ZNF658: variants seen among roughly 807,000 people sequenced by gnomAD.
The protein encoded by ZNF658 is zinc finger protein 658.
Under a neutral mutation model 78.0 loss-of-function variants are expected in ZNF658, and 46 were observed. The observed-to-expected ratio is 0.59, with a 90% confidence interval of 0.47 to 0.75. ZNF658 has a LOEUF of 0.75. Among genes scored for constraint, ZNF658 ranks in the 30% least tolerant of loss-of-function variants. The pLI is 0.00. For synonymous variants in ZNF658, 279 were observed against 408.4 expected (o/e 0.68, Z 3.82); for missense variants, 785 against 1,189.3 (o/e 0.66, Z 5.00).
intron 6 of ZNF658, among the ~76,000 whole-genome samples, chr9:66,929,858 G>A (rs1372905646): frequency 4.7e-5 from 6 of 126,934 alleles, no homozygotes; most frequent in Admixed American, 8.6e-5. Context: ...ATCTCGGCTC[G>A]CTGCAACCTT....
At chr9:66,923,356 G>A (rs941314198), downstream of ZNF658, among the ~76,000 whole-genome samples, 333 of 147,482 alleles carry the variant, frequency 2.3e-3, no homozygotes, top group African/African-American at 8.1e-3. Flanking sequence ...TGCCCACCCA[G>A]ATAGAGGGTG....
At chr9:66,925,602 A>C (rs1380137352), downstream of ZNF658, among the ~76,000 whole-genome samples, 1 of 152,024 alleles carries the variant, frequency 6.6e-6, no homozygotes, top group Non-Finnish European at 1.5e-5. Context: ...AATAAAAAAA[A>C]CTCCCAACAA....
At chr9:66,901,392 C>G (rs548813297) in intron 1 of ZNF658, among the ~76,000 whole-genome samples, 100 of 152,162 alleles carry the variant, frequency 6.6e-4, no homozygotes, top group Non-Finnish European at 1.0e-3. Flanking sequence ...GCCTGAAACC[C>G]AGACTTGCCA....
At chr9:66,901,032 C>G (rs1474109875) in intron 1 of ZNF658, 196 bp downstream of exon 1, 1 of 152,246 alleles carries the variant, frequency 6.6e-6, no homozygotes, top group African/African-American at 2.4e-5. Context: ...GGTTGCGGGC[C>G]GGGAAGAGGA....
Position 66,920,416 on chromosome 9 carries a change from T to A in ZNF658, c.2850T>A (p.Asn950Lys), listed in dbSNP as rs1752491892. ...CNVCGKPFAHNSTLRVHQRIH... is the reference protein window; with the variant it reads ...CNVCGKPFAHKSTLRVHQRIH... ...TATGTGGGAAGCCATTTGCCCATAA[T>A]TCAACCCTCAGAGTACATCAAAGAA... The change falls in exon 5 of 5, where the codon AAT becomes AAA. Residue 950 changes from asparagine (N) to lysine (K), a missense_variant. Around this residue, in one of 12 missense-constraint regions of ZNF658, gnomAD observed 85 missense variants for 108.6 expected, o/e 0.78. Coordinates refer to ENST00000621410, the MANE Select transcript of ZNF658 (RefSeq NM_033160.7). 6.2e-7 allele frequency: 1 copy of A among 1,609,228 alleles called. No homozygotes were observed. The highest frequency in any genetic ancestry group is 1.7e-5 in the Admixed American group (1 of 59,510).
chr9:66,929,999 G>C (rs1040248683), intron 6 of ZNF658, among the ~76,000 whole-genome samples: 6 of 123,860 alleles, frequency 4.8e-5, no homozygotes, highest in African/African-American at 1.8e-4. Flanking sequence ...GGTCAGGCTG[G>C]TCTTGAACTC....
chr9:66,930,460 G>A (rs927329486), intron 6 of ZNF658, among the ~76,000 whole-genome samples: 1 of 146,890 alleles, frequency 6.8e-6, no homozygotes, highest in African/African-American at 2.5e-5. Context: ...GGATGAGCTT[G>A]CCTTCTCAAG....
Position 66,921,073 on chromosome 9 carries a change from A to T in ZNF658, c.*327A>T. On this transcript the variant is annotated 3_prime_UTR_variant, in exon 5 of 5. Coordinates refer to ENST00000621410, the MANE Select transcript of ZNF658 (RefSeq NM_033160.7). ...AAGGTCAAGGAAGCTAGAGTCTGAAAAACGAACAATTCACTTCCAGGTCTT... is the reference window on the plus strand; with the variant it reads ...AAGGTCAAGGAAGCTAGAGTCTGAATAACGAACAATTCACTTCCAGGTCTT... 1 of 294,030 alleles carries T rather than the reference A, an allele frequency of 3.4e-6. No homozygotes were observed. The highest frequency in any genetic ancestry group is 5.3e-5 in the South Asian group (1 of 18,706). The allele number at this position is 294,030 out of a possible 1,614,324, so 18.2% of individuals were successfully genotyped here.
chr9:66,908,113 G>A, intron 2 of ZNF658, 125 bp from the exon 3 acceptor site: 2 of 1,549,124 alleles, frequency 1.3e-6, no homozygotes, highest in South Asian at 1.2e-5. Context: ...GACAATTTTG[G>A]GTCTAAAATA....
downstream of ZNF658, among the ~76,000 whole-genome samples, chr9:66,922,276 A>G (rs932608097): frequency 6.6e-5 from 10 of 151,710 alleles, no homozygotes; most frequent in East Asian, 5.9e-4. Flanking sequence ...AGGAAAGGGA[A>G]TTCCCTGGCC....
chr9:66,920,267 C>T lies in ZNF658; in HGVS notation c.2701C>T (p.Leu901Phe). The T allele has an allele frequency of 6.2e-7, 1 of 1,611,322 alleles. No homozygotes were observed. Among genetic ancestry groups the T allele is most frequent in the Non-Finnish European group, 8.5e-7 (1 of 1,178,482 alleles). The stretch of plus-strand genomic sequence containing the variant: ...CAAGACATCACATCTCAGAGCACAT[C>T]TTAGAACTCGCTCAGGGGAGAAACC... ...FSKTSHLRAH[L>F]RTRSGEKPYE... is the part of the protein sequence containing the mutation. The change falls in exon 5 of 5, where the codon CTT (leucine) becomes TTT (phenylalanine). Residue 901 changes from leucine to phenylalanine, a missense_variant. Leu to Phe is a conservative substitution (Grantham distance 22). Around this residue, in one of 12 missense-constraint regions of ZNF658, gnomAD observed 85 missense variants for 108.6 expected, o/e 0.78. Coordinates refer to ENST00000621410, the MANE Select transcript of ZNF658 (RefSeq NM_033160.7).
intron 2 of ZNF658, among the ~76,000 whole-genome samples, chr9:66,905,546 T>C (rs1822060649): frequency 6.6e-6 from 1 of 151,522 alleles, no homozygotes; most frequent in African/African-American, 2.4e-5. Flanking sequence ...TTGATAAGCT[T>C]GATGCTGTCC....
chr9:66,908,001 T>C (rs1280100321), intron 2 of ZNF658, among the ~76,000 whole-genome samples: 1 of 151,374 alleles, frequency 6.6e-6, no homozygotes, highest in Non-Finnish European at 1.5e-5. Context: ...TGGAAGGAAG[T>C]TGTTTTACAT....
rs1344336588 is a variant in ZNF658 at position 66,911,712 on chromosome 9, C to T, written c.238+2978C>T. ...TGTAAAGAGATAACGCTATACCAAA[C>T]ACAATCCCATTCATAAAAACGAGTG... On this transcript the variant is annotated intron_variant, in intron 4 of 4. Coordinates refer to ENST00000621410, the MANE Select transcript of ZNF658 (RefSeq NM_033160.7). 4.3e-5 allele frequency among the ~76,000 whole-genome samples: 4 copies of T among 91,976 alleles called. 1 individual carries two copies. Among genetic ancestry groups the T allele is most frequent in the Non-Finnish European group, 8.2e-5 (4 of 48,548 alleles). The allele number at this position is 91,976 out of a possible 152,430, so 60.3% of individuals were successfully genotyped here.
At chr9:66,922,249 C>A (rs1479334009), downstream of ZNF658, among the ~76,000 whole-genome samples, 1 of 150,770 alleles carries the variant, frequency 6.6e-6, no homozygotes, top group Non-Finnish European at 1.5e-5. Context: ...TACTGTCTGT[C>A]AGGGCTACCC....
intron 4 of ZNF658, among the ~76,000 whole-genome samples, chr9:66,914,386 C>T (rs1050226166): frequency 7.2e-5 from 11 of 151,902 alleles, no homozygotes; most frequent in African/African-American, 2.7e-4. Flanking sequence ...CTTATTAGTT[C>T]AAGGAACTTT....
rs11261526 is a variant in ZNF658, at chr9:66,914,733, G to C, written c.239-3072G>C. The stretch of plus-strand genomic sequence containing the variant: ...CAGCATAAAAACTATAGTTTTTATA[G>C]TATTGCAGTGTAGTAACTGTTTGGC... On this transcript the variant is annotated intron_variant, in intron 4 of 4. Transcript: ENST00000621410. Among the ~76,000 whole-genome samples the C allele has an allele frequency of 8.5e-3, 1,295 of 152,122 alleles. 21 individuals carry two copies. The highest frequency in any genetic ancestry group is 0.03 in the African/African-American group (1,237 of 41,488).
intron 4 of ZNF658, among the ~76,000 whole-genome samples, chr9:66,915,441 G>C (rs1270018629): frequency 2.0e-5 from 3 of 150,730 alleles, no homozygotes; most frequent in Non-Finnish European, 3.0e-5. Context: ...TTACAAAACG[G>C]TGTCAGAGCT....
chr9:66,918,351 G>T lies in ZNF658; in HGVS notation c.785G>T (p.Arg262Ile). 6.2e-7 allele frequency: 1 copy of T among 1,613,882 alleles called. No individual in the cohort carries two copies. The highest frequency in any genetic ancestry group is 8.5e-7 in the Non-Finnish European group (1 of 1,179,842). ...FDKITLFNHM[R>I]TDTRGKCSDL... ...AAAATCACTTTATTTAACCACATGA[G>T]AACTGACACAAGGGGGAAATGCTCT... Residue 262 changes from arginine (R) to isoleucine (I), a missense_variant, in exon 5 of 5, where the codon AGA (arginine) becomes ATA (isoleucine). Physicochemically the swap from Arg to Ile is moderately conservative, Grantham distance 97. Transcript: ENST00000621410.
Sources: gnomAD v4.1 joint callset for allele counts (sites outside exome capture counted in the v4.1 genomes callset) on GRCh38, gnomAD v4.1.1 for gene constraint, gnomAD v4.1.1 regional missense constraint, MANE v1.5 for transcripts, NCBI Gene and HGNC (gene_info 2026-07-23, HGNC 2026-07-21) for gene names.